The following ETHE1 variants were observed in gnomAD, a reference collection of about 807,000 sequenced individuals.
ETHE1 encodes the protein persulfide dioxygenase ETHE1, mitochondrial.
ETHE1 carries 16 observed loss-of-function variants against 25.7 expected under a neutral mutation model. The ratio of observed to expected loss-of-function variants is 0.62; its 90% CI spans 0.42 to 0.95. The LOEUF is 0.95. Ranked by LOEUF, ETHE1 falls within the 40% of genes least tolerant of loss-of-function variation. ETHE1 has a pLI of 0.00. For missense variants in ETHE1, 300 were observed against 333.6 expected, an observed-to-expected ratio of 0.90 and a Z score of 0.79; for synonymous variants, 139 against 135.9, an observed-to-expected ratio of 1.02 and a Z score of -0.16.
chr19:43,508,742 G>A, intron 5 of ETHE1, 33 bp downstream of exon 5: 2 of 1,494,208 alleles, frequency 1.3e-6, no homozygotes, highest in Non-Finnish European at 1.8e-6. Flanking sequence ...TCAAAGTTAT[G>A]TACGCCCCAC....
At chr19:43,521,121 C>T (rs992304453) in intron 3 of ETHE1, among the ~76,000 whole-genome samples, 3 of 152,046 alleles carry the variant, frequency 2.0e-5, no homozygotes, top group African/African-American at 4.8e-5. Flanking sequence ...TCACTTGAGG[C>T]CAGGTGCTCA....
At chr19:43,508,968 T>C in intron 4 of ETHE1, 104 bp from the exon 5 acceptor site, 1 of 869,952 alleles carries the variant, frequency 1.1e-6, no homozygotes, top group South Asian at 1.4e-5. Flanking sequence ...AGCTAAACCC[T>C]CTCCTTCGTG....
At chr19:43,518,226 A>C (rs1327272834) in intron 3 of ETHE1, among the ~76,000 whole-genome samples, 2 of 152,022 alleles carry the variant, frequency 1.3e-5, no homozygotes, top group African/African-American at 4.8e-5. Flanking sequence ...GTTCCTAAAA[A>C]CAGCCGTAGG....
rs7248732 is a variant in ETHE1, at chr19:43,507,408, T to C, written c.713-506A>G. Reference sequence around the variant, plus strand: ...AGGCCCCCAGCTCCTCCTCCCCCAGTCCCTCCTCCCTCAGACCCAGGAGCC... The same window carrying C: ...AGGCCCCCAGCTCCTCCTCCCCCAGCCCCTCCTCCCTCAGACCCAGGAGCC... On this transcript the variant is annotated intron_variant, in intron 6 of 6. Transcript: ENST00000292147. Among the ~76,000 whole-genome samples the C allele has an allele frequency of 6.3e-3, 124 of 19,700 alleles. 1 individual carries two copies. The highest frequency in any genetic ancestry group is 9.5e-3 in the East Asian group (6 of 632). The allele number at this position is 19,700 out of a possible 152,430, so 12.9% of individuals were successfully genotyped here.
At chr19:43,523,633 C>A (rs1350603972) in intron 3 of ETHE1, among the ~76,000 whole-genome samples, 1 of 152,106 alleles carries the variant, frequency 6.6e-6, no homozygotes. Flanking sequence ...AATGGACCCC[C>A]ATCTCCAAAA....
At chr19:43,521,823 T>C (rs934588542) in intron 3 of ETHE1, among the ~76,000 whole-genome samples, 6 of 152,188 alleles carry the variant, frequency 3.9e-5, no homozygotes, top group African/African-American at 1.2e-4. Context: ...GAAAATCCAG[T>C]CCTTAGAATT....
At chr19:43,517,054 C>A (rs1972034677) in intron 3 of ETHE1, among the ~76,000 whole-genome samples, 1 of 151,804 alleles carries the variant, frequency 6.6e-6, no homozygotes, top group Admixed American at 6.6e-5. Flanking sequence ...GAACTCCTGG[C>A]CTCAAGCAAT....
intron 3 of ETHE1, chr19:43,525,964 A>T: frequency 1.7e-6 from 1 of 598,926 alleles, no homozygotes; most frequent in Non-Finnish European, 2.9e-6. Flanking sequence ...GAAACTCCTT[A>T]AATGCTGTTG....
At chr19:43,524,025 A>C (rs1972189863) in intron 3 of ETHE1, among the ~76,000 whole-genome samples, 1 of 151,892 alleles carries the variant, frequency 6.6e-6, no homozygotes, top group African/African-American at 2.4e-5. Flanking sequence ...CACCTGAGAT[A>C]GGGAGTTGGA....
At chr19:43,521,428 T>C (rs1972136713) in intron 3 of ETHE1, among the ~76,000 whole-genome samples, 1 of 152,180 alleles carries the variant, frequency 6.6e-6, no homozygotes, top group Admixed American at 6.6e-5. Context: ...CCTACACCCC[T>C]GCTGTCTTTT....
At chr19:43,520,722 T>C (rs1388671881) in intron 3 of ETHE1, among the ~76,000 whole-genome samples, 2 of 152,064 alleles carry the variant, frequency 1.3e-5, no homozygotes, top group Non-Finnish European at 1.5e-5. Flanking sequence ...AAATTTTTTT[T>C]CAGCTTTTCT....
intron 3 of ETHE1, among the ~76,000 whole-genome samples, chr19:43,522,381 C>T (rs988798679): frequency 6.6e-5 from 10 of 152,132 alleles, no homozygotes; most frequent in African/African-American, 1.9e-4. Context: ...GCTATGCTCA[C>T]GCCAGTGCAT....
At position 43,527,006 on chromosome 19, in the gene ETHE1, C is replaced by T. The variant is rs1036163578; in HGVS notation, c.81+91G>A. 5.9e-6 allele frequency: 9 copies of T among 1,537,104 alleles called. No homozygotes were observed. In the African/African-American group the frequency reaches 8.2e-5, roughly 14 times the overall value. On this transcript the variant is annotated intron_variant, in intron 1 of 6. Transcript: ENST00000292147. ...TCCGCAAGATGCAGGCGTGGGTCCC[C>T]CCGGATCTCTCCCTATTAAGAGACC...
chr19:43,511,469 A>G lies in ETHE1; in HGVS notation c.473T>C (p.Ile158Thr). 3.1e-6 allele frequency: 5 copies of G among 1,614,186 alleles called. No homozygotes were observed. The highest frequency in any genetic ancestry group is 4.2e-6 in the Non-Finnish European group (5 of 1,180,034). Reference protein sequence around the residue: ...SMAFTGDALLIRGCGRTDFQQ... With the variant: ...SMAFTGDALLTRGCGRTDFQQ... ...GAAGTCTGTCCGCCCACACCCACGG[A>G]TCAACAGGGCATCTCCAGTGAAGGC... The change falls in exon 4 of 7, where the codon ATC becomes ACC. Residue 158 changes from isoleucine (I) to threonine (T), a missense_variant. Ile to Thr is a moderately conservative substitution (Grantham distance 89). Transcript: ENST00000292147.
At chr19:43,526,726 A>G (rs558294884) in intron 1 of ETHE1, 67 bp from the exon 2 acceptor site, 21 of 1,609,472 alleles carry the variant, frequency 1.3e-5, no homozygotes, top group South Asian at 9.9e-5. Flanking sequence ...CAAGTAGTCC[A>G]GACTGACCCT....
intron 1 of ETHE1, 48 bp from the exon 2 acceptor site, chr19:43,526,707 A>C (rs772303590): frequency 1.9e-6 from 3 of 1,611,662 alleles, no homozygotes; most frequent in East Asian, 4.5e-5. Flanking sequence ...ACTTCCACCC[A>C]CTGGAGGCCA....
chr19:43,518,473 G>A (rs994540211), intron 3 of ETHE1, among the ~76,000 whole-genome samples: 1 of 152,070 alleles, frequency 6.6e-6, no homozygotes, highest in Non-Finnish European at 1.5e-5. Flanking sequence ...TTGGCCGGGC[G>A]TGGTGTCTCA....
chr19:43,510,913 C>T (rs9653099), intron 4 of ETHE1, among the ~76,000 whole-genome samples: 2,108 of 152,192 alleles, frequency 0.014, 44 homozygotes, highest in African/African-American at 0.048. Context: ...CCATCACTCC[C>T]GTTACCACCT....
chr19:43,511,322 A>T, intron 4 of ETHE1, 115 bp downstream of exon 4: 1 of 1,506,294 alleles, frequency 6.6e-7, no homozygotes, highest in Non-Finnish European at 9.2e-7. Flanking sequence ...TGAATTTAAT[A>T]CTGAAGCCCC....
Sources: allele counts gnomAD v4.1 joint callset (sites outside exome capture counted in the v4.1 genomes callset), GRCh38; gene constraint gnomAD v4.1.1; transcripts MANE v1.5; gene names NCBI Gene and HGNC (gene_info 2026-07-23, HGNC 2026-07-21).